Variants in ZFP2 observed in about 807,000 individuals in gnomAD.
ZFP2 encodes ZFP2 zinc finger protein.
ZFP2 carries 33 observed loss-of-function variants against 36.1 expected under a neutral mutation model. That is an observed-to-expected ratio of 0.92 (90% confidence interval 0.69 to 1.22). The LOEUF (loss-of-function observed/expected upper bound fraction) is 1.22. Among genes scored for constraint, ZFP2 ranks in the 50% most tolerant of loss-of-function variants. The pLI is 0.00. For missense variants in ZFP2, 522 were observed against 551.4 expected, an observed-to-expected ratio of 0.95 and a Z score of 0.53; for synonymous variants, 170 against 178.0, an observed-to-expected ratio of 0.96 and a Z score of 0.36.
At chr5:178,901,739 C>A in intron 1 of ZFP2, among the ~76,000 whole-genome samples, 1 of 151,142 alleles carries the variant, frequency 6.6e-6, no homozygotes, top group East Asian at 1.9e-4. Context: ...GTATTATAAG[C>A]TTTTTAAATT....
At chr5:178,901,320 C>T (rs1374761326) in intron 1 of ZFP2, among the ~76,000 whole-genome samples, 1 of 152,158 alleles carries the variant, frequency 6.6e-6, no homozygotes, top group Non-Finnish European at 1.5e-5. Context: ...TTGGTGTATC[C>T]ATTTCCAAGA....
At chr5:178,928,594 A>C (rs1005929283) in intron 4 of ZFP2, among the ~76,000 whole-genome samples, 4 of 152,250 alleles carry the variant, frequency 2.6e-5, no homozygotes, top group Admixed American at 2.6e-4. Context: ...CTCTGCTGCG[A>C]GGGGTGGAGT....
chr5:178,922,280 T>C (rs1581839744), intron 4 of ZFP2: 1 of 975,212 alleles, frequency 1.0e-6, no homozygotes, highest in East Asian at 2.4e-5. Flanking sequence ...AATAAGTTCA[T>C]TATCATACAA....
At chr5:178,900,014 CTT>C (rs1758022644) in intron 1 of ZFP2, among the ~76,000 whole-genome samples, 1 of 152,026 alleles carries the variant, frequency 6.6e-6, no homozygotes, top group African/African-American at 2.4e-5. Context: ...GGCAAAATAA[CTT>C]TTAAAATGGG....
chr5:178,925,917 G>A (rs937215454), intron 4 of ZFP2, among the ~76,000 whole-genome samples: 7 of 148,782 alleles, frequency 4.7e-5, no homozygotes, highest in African/African-American at 1.2e-4. Flanking sequence ...GCATGATCAC[G>A]GCTCACTGCA....
chr5:178,904,001 AAAG>A (rs1429952608), intron 1 of ZFP2, among the ~76,000 whole-genome samples: 1 of 151,976 alleles, frequency 6.6e-6, no homozygotes, highest in Non-Finnish European at 1.5e-5. Context: ...AAAAAAGAAA[AAAG>A]AAAAAAAAAA....
chr5:178,924,575 C>T (rs571373714), intron 4 of ZFP2, among the ~76,000 whole-genome samples: 6 of 148,772 alleles, frequency 4.0e-5, no homozygotes, highest in African/African-American at 1.5e-4. Flanking sequence ...CACAGGGGCT[C>T]CCACCAGTAA....
chr5:178,918,457 T>C (rs987175807), intron 4 of ZFP2, among the ~76,000 whole-genome samples: 1 of 152,204 alleles, frequency 6.6e-6, no homozygotes, highest in African/African-American at 2.4e-5. Flanking sequence ...ACCTGCTTGC[T>C]GCCCAGTCCC....
At chr5:178,912,951 A>G in intron 2 of ZFP2, 31 bp from the exon 3 acceptor site, 1 of 983,356 alleles carries the variant, frequency 1.0e-6, no homozygotes, top group East Asian at 1.1e-4. Context: ...TCAGTTCAGA[A>G]CCCAAATTTA....
At position 178,900,282 on chromosome 5, in the gene ZFP2, C is replaced by T. The variant is rs535063190; in HGVS notation, c.-450+4308C>T. ...CCACCACCTCAGTCAAGGTACAGAA[C>T]TTTTGCATCACCCCAGCCAGCCAGT... On this transcript the variant is annotated intron_variant, in intron 1 of 4. Coordinates refer to ENST00000361362, the MANE Select transcript of ZFP2 (RefSeq NM_030613.4). Among the ~76,000 whole-genome samples, 8 of 152,342 alleles carry T rather than the reference C, an allele frequency of 5.3e-5. No individual in the cohort carries two copies. The South Asian group carries it at 1.4e-3, about 28-fold the overall frequency.
In ZFP2 at chr5:178,912,658, T is replaced by C. The variant is rs777000403; in HGVS notation, c.-375T>C. 37 of 1,060,952 alleles carry C rather than the reference T, an allele frequency of 3.5e-5. No homozygotes were observed. The highest frequency in any genetic ancestry group is 4.3e-5 in the Non-Finnish European group (37 of 862,562). The allele number at this position is 1,060,952 out of a possible 1,614,324, so 65.7% of individuals were successfully genotyped here. A position where few individuals can be genotyped will look rare whatever the true frequency, so the allele number is the denominator to read the frequency against. ...AAGAGTGGATTCAAGCAGATTCTGC[T>C]CAGAGGATGACCGTGTATGGGGAGG... On this transcript the variant is annotated 5_prime_UTR_variant, in exon 2 of 5. Coordinates refer to ENST00000361362, the MANE Select transcript of ZFP2 (RefSeq NM_030613.4).
intron 4 of ZFP2, among the ~76,000 whole-genome samples, chr5:178,926,565 G>A (rs909681046): frequency 5.5e-4 from 84 of 151,490 alleles, no homozygotes; most frequent in Admixed American, 2.2e-3. Flanking sequence ...CGCCCAGGCT[G>A]GAGTGCAGTG....
Position 178,912,941 on chromosome 5 carries a change from T to C in ZFP2, c.-313-41T>C, listed in dbSNP as rs1758326311. On this transcript the variant is annotated intron_variant, in intron 2 of 4. Transcript: ENST00000361362. ...ACTCTGCTAGGATTGGTTTTTAGGC[T>C]CAGTTCAGAACCCAAATTTAATGTC... The C allele has an allele frequency of 3.1e-6, 3 of 978,436 alleles. No homozygotes were observed. In the African/African-American group the frequency reaches 5.3e-5, roughly 17 times the overall value. The allele number at this position is 978,436 out of a possible 1,614,324, so 60.6% of individuals were successfully genotyped here.
chr5:178,925,148 C>T (rs908218359), intron 4 of ZFP2, among the ~76,000 whole-genome samples: 4 of 125,534 alleles, frequency 3.2e-5, no homozygotes, highest in Middle Eastern at 8.1e-3. Context: ...CACACACACA[C>T]ACATATATAT....
intron 1 of ZFP2, chr5:178,909,718 C>T (rs546543340): frequency 3.3e-6 from 5 of 1,530,448 alleles, no homozygotes; most frequent in Admixed American, 4.1e-5. Context: ...TAAGTCTGCT[C>T]CTCAGGACAC....
intron 4 of ZFP2, among the ~76,000 whole-genome samples, chr5:178,928,437 G>C (rs1045340633): frequency 1.3e-5 from 2 of 152,012 alleles, no homozygotes; most frequent in African/African-American, 4.8e-5. Context: ...TAGGCATTGG[G>C]TCAACACTCC....
At chr5:178,899,556 A>T (rs371063941) in intron 1 of ZFP2, among the ~76,000 whole-genome samples, 32 of 151,972 alleles carry the variant, frequency 2.1e-4, no homozygotes, top group Middle Eastern at 3.5e-3. Flanking sequence ...TTTAGGACCA[A>T]GTGTCGGGAA....
intron 1 of ZFP2, among the ~76,000 whole-genome samples, chr5:178,910,928 T>G (rs1008260275): frequency 1.3e-5 from 2 of 152,188 alleles, no homozygotes; most frequent in Middle Eastern, 3.2e-3. Context: ...GAAAAAAGGT[T>G]CCTTTTAATA....
At chr5:178,925,184 T>C (rs768676098) in intron 4 of ZFP2, among the ~76,000 whole-genome samples, 2 of 146,934 alleles carry the variant, frequency 1.4e-5, no homozygotes, top group Non-Finnish European at 3.0e-5. Context: ...TACATATATA[T>C]TATGTGCCTT....
Sources: gnomAD v4.1 joint callset for allele counts (sites outside exome capture counted in the v4.1 genomes callset) on GRCh38, gnomAD v4.1.1 for gene constraint, MANE v1.5 for transcripts, NCBI Gene and HGNC (gene_info 2026-07-23, HGNC 2026-07-21) for gene names.